The following FXR2 variants were observed in gnomAD, a reference collection of about 807,000 sequenced individuals.
FXR2 encodes RNA-binding protein FXR2.
Under a neutral mutation model 87.3 loss-of-function variants are expected in FXR2, and 9 were observed. That is an observed-to-expected ratio of 0.10 (90% CI 0.06 to 0.18). The LOEUF is 0.18. Among genes scored for constraint, FXR2 ranks in the 10% least tolerant of loss-of-function variants. The pLI, the probability that FXR2 is intolerant of heterozygous loss-of-function variation, is 1.00. For missense variants in FXR2, 661 were observed against 893.6 expected (o/e 0.74, Z 3.32); for synonymous variants, 331 against 328.3 (o/e 1.01, Z -0.09).
intron 1 of FXR2, among the ~76,000 whole-genome samples, chr17:7,609,815 G>T (rs2071833662): frequency 6.6e-6 from 1 of 151,030 alleles, no homozygotes; most frequent in South Asian, 2.1e-4. Flanking sequence ...ATCAGCTGAG[G>T]CCAGGAGTTC....
chr17:7,596,653 T>G (rs976440967), intron 7 of FXR2, among the ~76,000 whole-genome samples: 1 of 152,216 alleles, frequency 6.6e-6, no homozygotes, highest in Non-Finnish European at 1.5e-5. Context: ...GCTAAGTGAT[T>G]ATATCCAACT....
rs1450967525 is a variant in FXR2 at position 7,592,569 on chromosome 17, C to T, written c.1760G>A (p.Arg587His). The change falls in exon 15 of 17, where the codon CGC (arginine) becomes CAC (histidine). Residue 587 changes from arginine to histidine, a missense_variant. Coordinates refer to ENST00000250113, the MANE Select transcript of FXR2 (RefSeq NM_004860.4). This position sits in a 1 kb window ranked among gnomAD's most constrained non-coding sequence, Gnocchi z 4.8. ...EDESRPQRRN[R>H]SRRRRNRGNR... ...ACCACGGTTACGGCGGCGGCGGCTGCGATTACGACGTTGAGGTCTTGATTC... is the reference window on the plus strand; with the variant it reads ...ACCACGGTTACGGCGGCGGCGGCTGTGATTACGACGTTGAGGTCTTGATTC... The T allele has an allele frequency of 2.5e-6, 4 of 1,613,424 alleles. No individual in the cohort carries two copies. Among genetic ancestry groups the T allele is most frequent in the South Asian group, 2.2e-5 (2 of 91,080 alleles).
rs77622986 is a variant in FXR2 at position 7,601,335 on chromosome 17, T to G, written c.660+74A>C. 3,326 of 852,996 alleles carry G rather than the reference T, an allele frequency of 3.9e-3. 71 individuals carry two copies. The African/African-American group carries it at 0.049, about 12-fold the overall frequency. The allele number at this position is 852,996 out of a possible 1,614,324, so 52.8% of individuals were successfully genotyped here. A position where few individuals can be genotyped will look rare whatever the true frequency, so the allele number is the denominator to read the frequency against. ...TAGTCTTTGTTCTGTAAACACAAGA[T>G]CATGGATGGAGGACAGGGTAGGAAG... On this transcript the variant is annotated intron_variant, in intron 7 of 16. Coordinates refer to ENST00000250113, the MANE Select transcript of FXR2 (RefSeq NM_004860.4).
chr17:7,592,781 A>G lies in FXR2; in HGVS notation c.1642T>C (p.Ser548Pro), dbSNP rs1597870536. 6.2e-7 allele frequency: 1 copy of G among 1,613,012 alleles called. No homozygotes were observed. Among genetic ancestry groups the G allele is most frequent in the South Asian group, 1.1e-5 (1 of 91,040 alleles). Residue 548 changes from serine (S) to proline (P), a missense_variant, in exon 14 of 17, where the codon TCC (serine) becomes CCC (proline). Physicochemically the swap from Ser to Pro is moderately conservative, Grantham distance 74 (BLOSUM62 -1). Coordinates refer to ENST00000250113, the MANE Select transcript of FXR2 (RefSeq NM_004860.4). The surrounding 1 kb of genome is among the most constrained non-coding windows in gnomAD (Gnocchi z 4.8). ...PPPASARRRR[S>P]RRRRTDEDRT... ...TCTTCATCAGTGCGGCGGCGGCGGG[A>G]GCGGCGGCGCCTGGCACTTGCTGGG...
intron 3 of FXR2, among the ~76,000 whole-genome samples, chr17:7,605,087 G>A (rs574683456): frequency 6.6e-6 from 1 of 150,480 alleles, no homozygotes; most frequent in African/African-American, 2.5e-5. Context: ...ATCAGAGGAC[G>A]GCAGGGCATG....
In FXR2 at chr17:7,614,761, A is replaced by C; in HGVS notation, c.-229T>G. The C allele has an allele frequency of 4.3e-6, 1 of 231,254 alleles. No homozygotes were observed. The allele number at this position is 231,254 out of a possible 1,614,324, so 14.3% of individuals were successfully genotyped here. On this transcript the variant is annotated 5_prime_UTR_variant, in exon 1 of 17. Transcript: ENST00000250113. The stretch of plus-strand genomic sequence containing the variant: ...CCTTGGTCTCCGCCACCGTGAGGGA[A>C]ACGGCCGCCGCCGCCGCTGCCTTCG...
chr17:7,594,873 C>T lies in FXR2; in HGVS notation c.832-116G>A, dbSNP rs858527. 0.36 allele frequency: 261,073 copies of T among 720,454 alleles called. 51,445 individuals are homozygous for T. The highest frequency in any genetic ancestry group is 0.51 in the Middle Eastern group (1,615 of 3,150). 44.6% of individuals were successfully genotyped at this position (720,454 alleles called of 1,614,324 possible). On this transcript the variant is annotated intron_variant, in intron 8 of 16. Transcript: ENST00000250113. The surrounding 1 kb of genome is among the most constrained non-coding windows in gnomAD (Gnocchi z 5.1). ...TGGAGGCAGGTGGATAAATTGAGCTCAAGAGTTCAAGACTAGCCTGGGCAA... is the reference window on the plus strand; with the variant it reads ...TGGAGGCAGGTGGATAAATTGAGCTTAAGAGTTCAAGACTAGCCTGGGCAA...
At position 7,593,676 on chromosome 17, in the gene FXR2, T is replaced by A; in HGVS notation, c.1108-51A>T. 7.9e-7 allele frequency: 1 copy of A among 1,267,190 alleles called. No homozygotes were observed. The highest frequency in any genetic ancestry group is 2.5e-5 in the East Asian group (1 of 39,878). 78.5% of individuals were successfully genotyped at this position (1,267,190 alleles called of 1,614,324 possible). A position where few individuals can be genotyped will look rare whatever the true frequency, so the allele number is the denominator to read the frequency against. On this transcript the variant is annotated intron_variant, in intron 11 of 16. Coordinates refer to ENST00000250113, the MANE Select transcript of FXR2 (RefSeq NM_004860.4). This position sits in a 1 kb window ranked among gnomAD's most constrained non-coding sequence, Gnocchi z 6.1. ...GGGAAGGAGAAATAAGATCAGTGCC[T>A]TGCTTCATGCTTCTGCACCCTGACT...
chr17:7,607,418 T>C (rs2071812095), intron 1 of FXR2, among the ~76,000 whole-genome samples: 1 of 152,160 alleles, frequency 6.6e-6, no homozygotes, highest in Non-Finnish European at 1.5e-5. Flanking sequence ...TTTTTTGTTT[T>C]ACATTTACAT....
rs1246092007 is a variant in FXR2, at chr17:7,594,839, TTGGGAGGC to T, written c.832-90_832-83del. 7 of 854,670 alleles carry T rather than the reference TTGGGAGGC, an allele frequency of 8.2e-6. No homozygotes were observed. The Admixed American group carries it at 8.7e-5, about 11-fold the overall frequency. 52.9% of individuals were successfully genotyped at this position (854,670 alleles called of 1,614,324 possible). ...GGCTCACGCCTGTAATCCCAGCACT[TTGGGAGGC>T]TGGAGGCAGGTGGATAAATTGAGCT... On this transcript the variant is annotated intron_variant, in intron 8 of 16. Coordinates refer to ENST00000250113, the MANE Select transcript of FXR2 (RefSeq NM_004860.4). The surrounding 1 kb of genome is among the most constrained non-coding windows in gnomAD (Gnocchi z 5.1).
At chr17:7,610,847 C>T (rs1377181610) in intron 1 of FXR2, among the ~76,000 whole-genome samples, 1 of 152,148 alleles carries the variant, frequency 6.6e-6, no homozygotes, top group African/African-American at 2.4e-5. Context: ...GCTTCTGGAG[C>T]CTGGCACCAA....
At chr17:7,613,991 C>A (rs1263456902) in intron 1 of FXR2, 3 of 454,750 alleles carry the variant, frequency 6.6e-6, no homozygotes, top group South Asian at 4.7e-5. Flanking sequence ...TAGGCAGAGG[C>A]CTCTCTGAGG....
At position 7,603,825 on chromosome 17, in the gene FXR2, G is replaced by A. The variant is rs776197287; in HGVS notation, c.381C>T (p.Pro127=). Residue 127 remains proline (P), a synonymous_variant, in exon 5 of 17, where the codon CCC becomes CCT. Coordinates refer to ENST00000250113, the MANE Select transcript of FXR2 (RefSeq NM_004860.4). ...VTLERLRPVN[P]NPLATKGSFF... The stretch of plus-strand genomic sequence containing the variant: ...AGCTGCCTTTGGTTGCAAGGGGATT[G>A]GGATTAACTGGCCGAAGTCGCTCCA... 6 of 1,613,944 alleles carry A rather than the reference G, an allele frequency of 3.7e-6. No homozygotes were observed. Among genetic ancestry groups the A allele is most frequent in the Non-Finnish European group, 5.1e-6 (6 of 1,179,836 alleles).
chr17:7,602,815 C>T (rs1316560761), intron 6 of FXR2, 94 bp downstream of exon 6: 6 of 684,064 alleles, frequency 8.8e-6, no homozygotes, highest in East Asian at 8.1e-5. Flanking sequence ...AATATAAGCA[C>T]ATTTAAGCCC....
intron 1 of FXR2, among the ~76,000 whole-genome samples, chr17:7,608,022 C>T (rs1229114929): frequency 6.6e-6 from 1 of 151,938 alleles, no homozygotes; most frequent in Non-Finnish European, 1.5e-5. Flanking sequence ...AACTCCCGAC[C>T]TCTGGTGATC....
At position 7,594,009 on chromosome 17, in the gene FXR2, A is replaced by G; in HGVS notation, c.1021-5T>C. The G allele has an allele frequency of 6.4e-7, 1 of 1,558,872 alleles. No individual in the cohort carries two copies. The highest frequency in any genetic ancestry group is 1.4e-5 in the African/African-American group (1 of 73,914). ...AAAAATGAAGGGAACCATTCCCTAG[A>G]GAACAGAGAGCAGAAACGATGGATC... On this transcript the variant is annotated splice_region_variant and splice_polypyrimidine_tract_variant and intron_variant, in intron 10 of 16. Coordinates refer to ENST00000250113, the MANE Select transcript of FXR2 (RefSeq NM_004860.4). The surrounding 1 kb of genome is among the most constrained non-coding windows in gnomAD (Gnocchi z 5.1).
At chr17:7,610,016 A>G (rs1249358766) in intron 1 of FXR2, among the ~76,000 whole-genome samples, 10 of 139,616 alleles carry the variant, frequency 7.2e-5, no homozygotes, top group Non-Finnish European at 1.2e-4. Flanking sequence ...ATATATATAT[A>G]CATGTATATG....
rs746736302 is a variant in FXR2, at chr17:7,601,389, GA to G, written c.660+19del. 135 of 1,297,266 alleles carry G rather than the reference GA, an allele frequency of 1.0e-4. No individual in the cohort carries two copies. The highest frequency in any genetic ancestry group is 1.5e-4 in the Non-Finnish European group (131 of 891,150). 80.4% of individuals were successfully genotyped at this position (1,297,266 alleles called of 1,614,324 possible). ...GGAAGACAATACCCTTCAGCAGAAG[GA>G]AAAGGAGCTAAAAGTTACCTCTAGG... On this transcript the variant is annotated intron_variant, in intron 7 of 16. Transcript: ENST00000250113.
chr17:7,592,363 G>A lies in FXR2; in HGVS notation c.1826-9C>T, dbSNP rs771052541. 78 of 1,603,136 alleles carry A rather than the reference G, an allele frequency of 4.9e-5. No homozygotes were observed. The highest frequency in any genetic ancestry group is 5.8e-5 in the Non-Finnish European group (68 of 1,170,062). ...ATAGTCAGCCACAGTCACTGGGGAA[G>A]GCAGGAGATTAAGACTTTCAGATGG... On this transcript the variant is annotated splice_polypyrimidine_tract_variant and intron_variant, in intron 15 of 16. Transcript: ENST00000250113. This position sits in a 1 kb window ranked among gnomAD's most constrained non-coding sequence, Gnocchi z 4.8.
Sources: gnomAD v4.1 joint callset for allele counts (sites outside exome capture counted in the v4.1 genomes callset) on GRCh38, gnomAD v4.1.1 for gene constraint, Gnocchi (gnomAD v3.1) non-coding constraint, MANE v1.5 for transcripts, NCBI Gene and HGNC (gene_info 2026-07-23, HGNC 2026-07-21) for gene names.